The following UNC119B variants were observed in gnomAD, a reference collection of about 807,000 sequenced individuals.
The protein encoded by UNC119B is unc-119 lipid binding chaperone B.
Under a neutral mutation model 23.4 loss-of-function variants are expected in UNC119B, and 16 were observed. The observed-to-expected ratio is 0.68, with a 90% confidence interval of 0.46 to 1.04. The LOEUF (loss-of-function observed/expected upper bound fraction) is 1.04, where lower values mean the gene tolerates loss of function less well. UNC119B is among the 50% of genes least tolerant of loss of function. The pLI is 0.00. For missense variants in UNC119B, 350 were observed against 361.3 expected (o/e 0.97, Z 0.25); for synonymous variants, 144 against 145.4 (o/e 0.99, Z 0.07).
chr12:120,713,324 T>C lies in UNC119B; in HGVS notation c.295T>C (p.Phe99Leu), dbSNP rs112349800. The change falls in exon 2 of 5, where the codon TTC (phenylalanine) becomes CTC (leucine). Residue 99 changes from phenylalanine to leucine, a missense_variant. By Grantham distance (22) the Phe-to-Leu change is conservative (BLOSUM62 0). Coordinates refer to ENST00000344651, the MANE Select transcript of UNC119B (RefSeq NM_001080533.3). ...CATCTACAGTATTGATTTCACCCGC[T>C]TCAAAATTCGAGATTTGGAGACAGG... ...DNIYSIDFTR[F>L]KIRDLETGTV... is the part of the protein sequence containing the mutation. The C allele has an allele frequency of 6.2e-7, 1 of 1,614,174 alleles. No individual in the cohort carries two copies. Among genetic ancestry groups the C allele is most frequent in the Non-Finnish European group, 8.5e-7 (1 of 1,179,970 alleles).
At position 120,716,739 on chromosome 12, in the gene UNC119B, C is replaced by T. The variant is rs756898237; in HGVS notation, c.470C>T (p.Thr157Met). 2.3e-5 allele frequency: 37 copies of T among 1,613,712 alleles called. No homozygotes were observed. Among genetic ancestry groups the T allele is most frequent in the Middle Eastern group, 1.6e-4 (1 of 6,082 alleles). Residue 157 changes from threonine (T) to methionine (M), a missense_variant and splice_region_variant, in exon 3 of 5, where the codon ACG becomes ATG. Thr to Met is a moderately conservative substitution (Grantham distance 81, BLOSUM62 -1). Transcript: ENST00000344651. ...AFLRLRTVGA[T>M]VEFTVGDKPV... ...CTCCGCCTCCGGACAGTCGGGGCTA[C>T]GTGAGTACCATTACTACCTGAGGGG... is the stretch of plus-strand genomic sequence containing the variant.
At chr12:120,714,579 A>G (rs1469478808) in intron 2 of UNC119B, among the ~76,000 whole-genome samples, 1 of 152,068 alleles carries the variant, frequency 6.6e-6, no homozygotes, top group Non-Finnish European at 1.5e-5. Context: ...TGGTCTCCCA[A>G]AGTGCTGGGA....
intron 2 of UNC119B, 41 bp downstream of exon 2, chr12:120,713,428 C>A: frequency 6.8e-7 from 1 of 1,473,062 alleles, no homozygotes; most frequent in Non-Finnish European, 9.4e-7. Context: ...CAGTTTTGAG[C>A]CAAAGGTCTT....
rs555287337 is a variant in UNC119B, at chr12:120,721,293, A to G, written c.*1261A>G. On this transcript the variant is annotated 3_prime_UTR_variant, in exon 5 of 5. Coordinates refer to ENST00000344651, the MANE Select transcript of UNC119B (RefSeq NM_001080533.3). ...TGTTCTCAAAAAAGTTCACTTGCAC[A>G]TCTGTGGGCTGCTTTTGTCCTCAGA... 8 of 152,324 alleles carry G rather than the reference A, an allele frequency of 5.3e-5. No homozygotes were observed. In the South Asian group the frequency reaches 1.0e-3, roughly 20 times the overall value. The allele number at this position is 152,324 out of a possible 1,614,324, so 9.4% of individuals were successfully genotyped here.
intron 2 of UNC119B, among the ~76,000 whole-genome samples, chr12:120,716,064 T>A (rs1882773565): frequency 6.6e-6 from 1 of 152,248 alleles, no homozygotes; most frequent in Admixed American, 6.5e-5. Context: ...TGGTTTATCT[T>A]TGCAGCCTGT....
At position 120,716,710 on chromosome 12, in the gene UNC119B, A is replaced by G; in HGVS notation, c.441A>G (p.Ala147=). 6.2e-7 allele frequency: 1 copy of G among 1,614,178 alleles called. No individual in the cohort carries two copies. The highest frequency in any genetic ancestry group is 1.1e-5 in the South Asian group (1 of 91,078). ...GRFVRYQFTP[A]FLRLRTVGAT... is the part of the protein sequence containing the mutation. ...TTGTCCGCTATCAGTTCACACCGGC[A>G]TTTCTCCGCCTCCGGACAGTCGGGG... The change falls in exon 3 of 5, where the codon GCA becomes GCG. Residue 147 remains alanine (A), a synonymous_variant. Coordinates refer to ENST00000344651, the MANE Select transcript of UNC119B (RefSeq NM_001080533.3).
chr12:120,716,763 G>A, intron 3 of UNC119B, 24 bp downstream of exon 3: 1 of 1,611,286 alleles, frequency 6.2e-7, no homozygotes, highest in South Asian at 1.1e-5. Flanking sequence ...CTACCTGAGG[G>A]GAGAACATTC....
rs777042683 is a variant in UNC119B, at chr12:120,716,732, G to A, written c.463G>A (p.Gly155Arg). The A allele has an allele frequency of 1.2e-6, 2 of 1,613,998 alleles. No homozygotes were observed. The highest frequency in any genetic ancestry group is 1.1e-5 in the South Asian group (1 of 91,082). ...TPAFLRLRTVGATVEFTVGDK... is the reference protein window; with the variant it reads ...TPAFLRLRTVRATVEFTVGDK... Reference sequence around the variant, plus strand: ...GGCATTTCTCCGCCTCCGGACAGTCGGGGCTACGTGAGTACCATTACTACC... The same window carrying A: ...GGCATTTCTCCGCCTCCGGACAGTCAGGGCTACGTGAGTACCATTACTACC... The change falls in exon 3 of 5, where the codon GGG becomes AGG. Residue 155 changes from glycine (G) to arginine (R), a missense_variant. Physicochemically the swap from Gly to Arg is moderately radical, Grantham distance 125. Transcript: ENST00000344651.
At position 120,716,891 on chromosome 12, in the gene UNC119B, C is replaced by T; in HGVS notation, c.492C>T (p.Asp164=). Residue 164 remains aspartate (D), a synonymous_variant, in exon 4 of 5, where the codon GAC becomes GAT. Coordinates refer to ENST00000344651, the MANE Select transcript of UNC119B (RefSeq NM_001080533.3). ...CCAGGGTGGAGTTCACAGTGGGAGA[C>T]AAACCTGTTTCAAACTTCCGGATGA... ...VGATVEFTVG[D]KPVSNFRMIE... The T allele has an allele frequency of 6.2e-7, 1 of 1,611,782 alleles. No individual in the cohort carries two copies. The highest frequency in any genetic ancestry group is 8.5e-7 in the Non-Finnish European group (1 of 1,178,696).
intron 4 of UNC119B, among the ~76,000 whole-genome samples, chr12:120,717,728 AATTTTTTGT>A (rs1408501106): frequency 1.4e-5 from 2 of 144,292 alleles, no homozygotes; most frequent in Non-Finnish European, 3.0e-5. Flanking sequence ...ATGCCCGGCT[AATTTTTTGT>A]ATTTTTTGTA....
rs200809032 is a variant in UNC119B, at chr12:120,719,894, T to C, written c.644-26T>C. 407 of 1,560,272 alleles carry C rather than the reference T, an allele frequency of 2.6e-4. 2 individuals are homozygous for C. In the African/African-American group the frequency reaches 5.1e-3, roughly 20 times the overall value. On this transcript the variant is annotated intron_variant, in intron 4 of 4. Transcript: ENST00000344651. ...GACTCAAACATAATTCTTTGCTTTT[T>C]TCTTCCCCCTTTGCCTGACTTGCAG...
In UNC119B at chr12:120,720,853, T is replaced by C. The variant is rs1209285242; in HGVS notation, c.*821T>C. 3 of 152,286 alleles carry C rather than the reference T, an allele frequency of 2.0e-5. No homozygotes were observed. The highest frequency in any genetic ancestry group is 1.9e-4 in the East Asian group (1 of 5,202). The allele number at this position is 152,286 out of a possible 1,614,324, so 9.4% of individuals were successfully genotyped here. A position where few individuals can be genotyped will look rare whatever the true frequency, so the allele number is the denominator to read the frequency against. ...TGAGGCCAGAGCAGGTCTTGTATTTTGTTTTTTTATTTCCAGACTTCTTTC... is the reference window on the plus strand; with the variant it reads ...TGAGGCCAGAGCAGGTCTTGTATTTCGTTTTTTTATTTCCAGACTTCTTTC... On this transcript the variant is annotated 3_prime_UTR_variant, in exon 5 of 5. Coordinates refer to ENST00000344651, the MANE Select transcript of UNC119B (RefSeq NM_001080533.3).
At position 120,710,527 on chromosome 12, in the gene UNC119B, G is replaced by C. The variant is rs1289346917; in HGVS notation, c.53G>C (p.Gly18Ala). ...GCCGCGGCGTCGGCGGCTGGGCCCGGGGGGCTGGTGGCTGGCAAGGAGGAG... is the reference window on the plus strand; with the variant it reads ...GCCGCGGCGTCGGCGGCTGGGCCCGCGGGGCTGGTGGCTGGCAAGGAGGAG... Reference protein sequence around the residue: ...AAAAASAAGPGGLVAGKEEKK... With the variant: ...AAAAASAAGPAGLVAGKEEKK... The change falls in exon 1 of 5, where the codon GGG (glycine) becomes GCG (alanine). Residue 18 changes from glycine to alanine, a missense_variant. Coordinates refer to ENST00000344651, the MANE Select transcript of UNC119B (RefSeq NM_001080533.3). 5 of 1,370,880 alleles carry C rather than the reference G, an allele frequency of 3.6e-6. No homozygotes were observed. The highest frequency in any genetic ancestry group is 7.2e-5 in the Admixed American group (2 of 27,602). The allele number at this position is 1,370,880 out of a possible 1,614,324, so 84.9% of individuals were successfully genotyped here.
chr12:120,710,641 C>T lies in UNC119B; in HGVS notation c.167C>T (p.Ala56Val). ...HHAADDGVGA[A>V]VTEQELLALD... ...GCGGCCGACGACGGCGTCGGGGCAGCGGTCACGGAGCAGGAGCTGCTGGCG... is the reference window on the plus strand; with the variant it reads ...GCGGCCGACGACGGCGTCGGGGCAGTGGTCACGGAGCAGGAGCTGCTGGCG... Residue 56 changes from alanine (A) to valine (V), a missense_variant, in exon 1 of 5, where the codon GCG (alanine) becomes GTG (valine). Transcript: ENST00000344651. 3.5e-6 allele frequency: 5 copies of T among 1,446,346 alleles called. No individual in the cohort carries two copies. Among genetic ancestry groups the T allele is most frequent in the Non-Finnish European group, 4.5e-6 (5 of 1,103,954 alleles). The allele number at this position is 1,446,346 out of a possible 1,614,324, so 89.6% of individuals were successfully genotyped here.
intron 1 of UNC119B, 62 bp downstream of exon 1, chr12:120,710,780 C>T: frequency 2.4e-6 from 3 of 1,272,244 alleles, no homozygotes; most frequent in South Asian, 2.5e-5. Context: ...GAGCCTTCAG[C>T]GGACCCGGCC....
rs1394354305 is a variant in UNC119B, at chr12:120,721,295, C to G, written c.*1263C>G. 3 of 152,246 alleles carry G rather than the reference C, an allele frequency of 2.0e-5. No homozygotes were observed. The highest frequency in any genetic ancestry group is 4.4e-5 in the Non-Finnish European group (3 of 68,066). 9.4% of individuals were successfully genotyped at this position (152,246 alleles called of 1,614,324 possible). On this transcript the variant is annotated 3_prime_UTR_variant, in exon 5 of 5. Transcript: ENST00000344651. ...TTCTCAAAAAAGTTCACTTGCACAT[C>G]TGTGGGCTGCTTTTGTCCTCAGACC...
At position 120,716,756 on chromosome 12, in the gene UNC119B, C is replaced by T. The variant is rs367820631; in HGVS notation, c.470+17C>T. 1.6e-3 allele frequency: 2,596 copies of T among 1,612,436 alleles called. 64 individuals are homozygous for T. The South Asian group carries it at 0.027, about 17-fold the overall frequency. On this transcript the variant is annotated intron_variant, in intron 3 of 4. Coordinates refer to ENST00000344651, the MANE Select transcript of UNC119B (RefSeq NM_001080533.3). ...CGGGGCTACGTGAGTACCATTACTACCTGAGGGGAGAACATTCTGTTTGTT... is the reference window on the plus strand; with the variant it reads ...CGGGGCTACGTGAGTACCATTACTATCTGAGGGGAGAACATTCTGTTTGTT...
At chr12:120,713,459 G>A in intron 2 of UNC119B, 72 bp downstream of exon 2, 2 of 1,142,418 alleles carry the variant, frequency 1.8e-6, no homozygotes, top group Non-Finnish European at 2.6e-6. Flanking sequence ...ATCTTTGTGT[G>A]CCACTGCATC....
At position 120,717,052 on chromosome 12, in the gene UNC119B, C is replaced by T; in HGVS notation, c.643+10C>T. On this transcript the variant is annotated intron_variant, in intron 4 of 4. Transcript: ENST00000344651. ...CTTTCGGAGGATGTCAGTATGTATC[C>T]CCTGACCCTTACAGCACTCTAGATT... 1 of 1,571,522 alleles carries T rather than the reference C, an allele frequency of 6.4e-7. No homozygotes were observed. Among genetic ancestry groups the T allele is most frequent in the Non-Finnish European group, 8.6e-7 (1 of 1,158,202 alleles).
Sources: allele counts gnomAD v4.1 joint callset (sites outside exome capture counted in the v4.1 genomes callset), GRCh38; gene constraint gnomAD v4.1.1; transcripts MANE v1.5; gene names NCBI Gene and HGNC (gene_info 2026-07-23, HGNC 2026-07-21).